Variants in SH3TC2 observed in about 807,000 individuals in gnomAD.
The protein encoded by SH3TC2 is SH3 domain and tetratricopeptide repeats 2, also known as SH3 domain and tetratricopeptide repeat-containing protein 2.
SH3TC2 carries 87 observed loss-of-function variants against 124.5 expected under a neutral mutation model. The ratio of observed to expected loss-of-function variants is 0.70; its 90% CI spans 0.59 to 0.84. SH3TC2 has a LOEUF of 0.84. Among genes scored for constraint, SH3TC2 ranks in the 40% least tolerant of loss-of-function variants. The pLI is 0.00. For synonymous variants in SH3TC2, 634 were observed against 628.5 expected (o/e 1.01, Z -0.13); for missense variants, 1,536 against 1,566.4 (o/e 0.98, Z 0.33).
In SH3TC2 at chr5:148,983,411, C is replaced by T. The variant is rs1412175336; in HGVS notation, c.*21300G>A. On this transcript the variant is annotated 3_prime_UTR_variant, in exon 17 of 17. Coordinates refer to ENST00000515425, the MANE Select transcript of SH3TC2 (RefSeq NM_024577.4). ...ATGAAAATAGCTCAAAAGGAGATAG[C>T]AAGGAGCACCAAGAAAAAATTTGCT... 6.6e-6 allele frequency among the ~76,000 whole-genome samples: 1 copy of T among 152,152 alleles called. No individual in the cohort carries two copies. Among genetic ancestry groups the T allele is most frequent in the East Asian group, 1.9e-4 (1 of 5,188 alleles).
rs866109740 is a variant in SH3TC2 at position 149,004,379 on chromosome 5, G to A, written c.*332C>T. ...GTGACTGATTTCCTCATTGGGGGAG[G>A]AAGGAAGGCTCCTGGAGGGCAAGAT... On this transcript the variant is annotated 3_prime_UTR_variant, in exon 17 of 17. Transcript: ENST00000515425. The A allele has an allele frequency of 1.3e-5, 4 of 299,068 alleles. No homozygotes were observed. Among genetic ancestry groups the A allele is most frequent in the Middle Eastern group, 1.1e-3 (1 of 914 alleles). The allele number at this position is 299,068 out of a possible 1,614,324, so 18.5% of individuals were successfully genotyped here.
In SH3TC2 at chr5:149,028,067, G is replaced by A. The variant is rs1479091932; in HGVS notation, c.1665C>T (p.Ile555=). 1.9e-6 allele frequency: 3 copies of A among 1,614,108 alleles called. No homozygotes were observed. In the South Asian group the frequency reaches 3.3e-5, roughly 18 times the overall value. ...SQARVYFEEA[I]HILNGAFEDL... ...CCTCAAATGCTCCATTGAGAATGTG[G>A]ATGGCCTCCTCGAAGTACACCCTGG... Residue 555 remains isoleucine, a synonymous_variant, in exon 11 of 17, where the codon ATC becomes ATT. Coordinates refer to ENST00000515425, the MANE Select transcript of SH3TC2 (RefSeq NM_024577.4).
rs748199342 is a variant in SH3TC2, at chr5:149,004,695, G to A, written c.*16C>T. 18 of 1,612,188 alleles carry A rather than the reference G, an allele frequency of 1.1e-5. No homozygotes were observed. Among genetic ancestry groups the A allele is most frequent in the Non-Finnish European group, 1.4e-5 (17 of 1,179,812 alleles). ...AGTCTGGCCATGCCAAATGTCCAGAGACAGGACAGCTTTCCTCAGAGGGCC... is the reference window on the plus strand; with the variant it reads ...AGTCTGGCCATGCCAAATGTCCAGAAACAGGACAGCTTTCCTCAGAGGGCC... On this transcript the variant is annotated 3_prime_UTR_variant, in exon 17 of 17. Coordinates refer to ENST00000515425, the MANE Select transcript of SH3TC2 (RefSeq NM_024577.4).
chr5:149,023,865 T>G (rs75777806), intron 12 of SH3TC2, among the ~76,000 whole-genome samples: 25,689 of 152,154 alleles, frequency 0.17, 2,512 homozygotes, highest in East Asian at 0.25. Flanking sequence ...TAATGCTTTT[T>G]AATCTTAAGC....
chr5:149,050,149 G>A (rs917581291), intron 2 of SH3TC2, among the ~76,000 whole-genome samples: 4 of 152,188 alleles, frequency 2.6e-5, no homozygotes, highest in African/African-American at 7.2e-5. Flanking sequence ...TAAATAAGCA[G>A]ACTGCTCTTG....
intron 4 of SH3TC2, chr5:149,043,620 G>T (rs960358346): frequency 6.6e-6 from 1 of 151,170 alleles, no homozygotes; most frequent in Non-Finnish European, 1.5e-5. Context: ...GCTTAGTAAA[G>T]GTCTGAGATA....
chr5:148,991,165 T>A lies in SH3TC2; in HGVS notation c.*13546A>T, dbSNP rs1020160175. Among the ~76,000 whole-genome samples the A allele has an allele frequency of 1.3e-5, 2 of 152,164 alleles. No individual in the cohort carries two copies. The highest frequency in any genetic ancestry group is 1.3e-4 in the Admixed American group (2 of 15,270). On this transcript the variant is annotated 3_prime_UTR_variant, in exon 17 of 17. Coordinates refer to ENST00000515425, the MANE Select transcript of SH3TC2 (RefSeq NM_024577.4). ...ACAGCAAAAGACCAATAACTACACA[T>A]GGGGTAGAAATTAACATATGTAGAG...
intron 8 of SH3TC2, among the ~76,000 whole-genome samples, chr5:149,034,954 T>C (rs183271898): frequency 5.9e-5 from 9 of 152,324 alleles, no homozygotes; most frequent in African/African-American, 1.9e-4. Flanking sequence ...TTAAGTGTTA[T>C]ATATATTTAA....
rs1278621609 is a variant in SH3TC2 at position 149,004,733 on chromosome 5, C to T, written c.3845G>A (p.Ser1282Asn). 12 of 1,613,496 alleles carry T rather than the reference C, an allele frequency of 7.4e-6. No individual in the cohort carries two copies. Among genetic ancestry groups the T allele is most frequent in the Non-Finnish European group, 1.0e-5 (12 of 1,180,002 alleles). Residue 1282 changes from serine (S) to asparagine (N), a missense_variant, in exon 17 of 17, where the codon AGT (serine) becomes AAT (asparagine). By Grantham distance (46) the Ser-to-Asn change is conservative. Around this residue, in one of 3 missense-constraint regions of SH3TC2, gnomAD observed 426 missense variants for 443.5 expected, o/e 0.96. Coordinates refer to ENST00000515425, the MANE Select transcript of SH3TC2 (RefSeq NM_024577.4). ...GCSSERARWL[S>N]GGGLAL ...TCCTCAGAGGGCCAGGCCACCACCACTCAGCCACCGCGCCCTCTCTGAGGA... is the reference window on the plus strand; with the variant it reads ...TCCTCAGAGGGCCAGGCCACCACCATTCAGCCACCGCGCCCTCTCTGAGGA...
chr5:149,042,309 A>T (rs79560634), intron 5 of SH3TC2, among the ~76,000 whole-genome samples: 11,245 of 152,264 alleles, frequency 0.074, 472 homozygotes, highest in African/African-American at 0.11. Context: ...TTTATTTTAC[A>T]ATCAAATTTT....
chr5:149,011,262 T>C (rs189444854), intron 13 of SH3TC2, among the ~76,000 whole-genome samples: 4,715 of 152,288 alleles, frequency 0.031, 292 homozygotes, highest in Admixed American at 0.16. Context: ...GATGCTGCAG[T>C]TGCTGTGTTA....
chr5:149,037,223 A>G (rs1235945793), intron 8 of SH3TC2, among the ~76,000 whole-genome samples: 2 of 152,022 alleles, frequency 1.3e-5, no homozygotes, highest in Non-Finnish European at 2.9e-5. Context: ...TCCCATCAAC[A>G]TCTGTTGAAA....
intron 9 of SH3TC2, 132 bp from the exon 10 acceptor site, chr5:149,028,850 C>T (rs1754132192): frequency 5.6e-6 from 5 of 893,266 alleles, no homozygotes; most frequent in Non-Finnish European, 9.3e-6. Flanking sequence ...CATTAAGGAA[C>T]AGGGCAGAAT....
intron 15 of SH3TC2, chr5:149,007,684 G>A (rs542323879): frequency 2.6e-4 from 44 of 170,580 alleles, no homozygotes; most frequent in African/African-American, 7.2e-4. Flanking sequence ...GGTTTCTAAC[G>A]GGTCTATGAC....
At chr5:149,049,035 C>T (rs1219412106) in intron 2 of SH3TC2, among the ~76,000 whole-genome samples, 3 of 152,148 alleles carry the variant, frequency 2.0e-5, no homozygotes, top group Non-Finnish European at 4.4e-5. Context: ...TAGAGATGAC[C>T]CCTATCATGC....
chr5:149,044,394 A>ACC (rs1754422390), intron 4 of SH3TC2, 139 bp downstream of exon 4: 1 of 681,050 alleles, frequency 1.5e-6, no homozygotes, highest in African/African-American at 1.8e-5. Context: ...CACTTTGTGA[A>ACC]ATTTCAAAAG....
At chr5:149,008,700 C>A (rs371727488) in intron 15 of SH3TC2, 151 bp downstream of exon 15, 1 of 1,068,948 alleles carries the variant, frequency 9.4e-7, no homozygotes, top group Non-Finnish European at 1.4e-6. Flanking sequence ...AGAAGTTAAG[C>A]AACTTGCTTA....
chr5:149,012,782 T>TA (rs760942945), intron 12 of SH3TC2, 48 bp from the exon 13 acceptor site: 2 of 1,607,512 alleles, frequency 1.2e-6, no homozygotes, highest in South Asian at 2.2e-5. Context: ...AAAGGGGCCT[T>TA]AGGGTCCACT....
Position 148,988,141 on chromosome 5 carries a change from C to G in SH3TC2, c.*16570G>C, listed in dbSNP as rs575957751. ...CTTACTGGGTAATAAAAACTCTATG[C>G]ACACAGGCTAGAAGTTGAGTGGTGG... is the stretch of plus-strand genomic sequence containing the variant. On this transcript the variant is annotated 3_prime_UTR_variant, in exon 17 of 17. Coordinates refer to ENST00000515425, the MANE Select transcript of SH3TC2 (RefSeq NM_024577.4). 6.6e-6 allele frequency among the ~76,000 whole-genome samples: 1 copy of G among 152,126 alleles called. No individual in the cohort carries two copies. Among genetic ancestry groups the G allele is most frequent in the Non-Finnish European group, 1.5e-5 (1 of 68,022 alleles).
Sources: gnomAD v4.1 joint callset for allele counts (sites outside exome capture counted in the v4.1 genomes callset) on GRCh38, gnomAD v4.1.1 for gene constraint, gnomAD v4.1.1 regional missense constraint, MANE v1.5 for transcripts, NCBI Gene and HGNC (gene_info 2026-07-23, HGNC 2026-07-21) for gene names.